Variants in KIZ observed in about 807,000 individuals in gnomAD.
KIZ encodes centrosomal protein kizuna.
KIZ carries 68 observed loss-of-function variants against 79.6 expected under a neutral mutation model. The observed-to-expected ratio is 0.85, with a 90% confidence interval of 0.70 to 1.05. The LOEUF (loss-of-function observed/expected upper bound fraction) is 1.05, where lower values mean the gene tolerates loss of function less well. Among genes scored for constraint, KIZ ranks in the 50% least tolerant of loss-of-function variants. KIZ has a pLI of 0.00. For missense variants in KIZ, 797 were observed against 800.4 expected (o/e 1.00, Z 0.05); for synonymous variants, 280 against 281.8 (o/e 0.99, Z 0.06).
intron 6 of KIZ, among the ~76,000 whole-genome samples, chr20:21,180,439 C>T (rs1166727143): frequency 2.6e-5 from 4 of 151,928 alleles, no homozygotes; most frequent in Admixed American, 6.6e-5. Context: ...GGGCGAGGGA[C>T]GGGTGCAAGG....
chr20:21,127,694 C>T (rs955056025), intron 1 of KIZ, among the ~76,000 whole-genome samples: 1 of 152,130 alleles, frequency 6.6e-6, no homozygotes, highest in Non-Finnish European at 1.5e-5. Context: ...GCACACTGGA[C>T]ACAGTTATAG....
chr20:21,160,531 G>T (rs898544291), intron 4 of KIZ, among the ~76,000 whole-genome samples: 2 of 152,020 alleles, frequency 1.3e-5, no homozygotes, highest in South Asian at 4.2e-4. Context: ...CTCCAGGTGT[G>T]CCATGTACTC....
intron 4 of KIZ, among the ~76,000 whole-genome samples, chr20:21,154,473 T>C (rs2033276673): frequency 6.6e-6 from 1 of 152,202 alleles, no homozygotes; most frequent in African/African-American, 2.4e-5. Context: ...TGCTATTGCT[T>C]CCCACAACTC....
At chr20:21,177,174 CT>C (rs1385971422) in intron 6 of KIZ, among the ~76,000 whole-genome samples, 7 of 152,004 alleles carry the variant, frequency 4.6e-5, no homozygotes, top group African/African-American at 1.7e-4. Context: ...TGAGGAATCT[CT>C]GTACTGTTTT....
At chr20:21,131,768 A>G (rs1337060353) in intron 1 of KIZ, 2 of 219,050 alleles carry the variant, frequency 9.1e-6, no homozygotes, top group Admixed American at 6.2e-5. Context: ...TGCTAAATGA[A>G]GGCACCTGCT....
At chr20:21,166,371 C>G in intron 6 of KIZ, 1 of 1,599,876 alleles carries the variant, frequency 6.3e-7, no homozygotes, top group African/African-American at 1.3e-5. Flanking sequence ...AAATCTGGAG[C>G]TGATCACTCC....
At chr20:21,135,789 A>G (rs1426526444) in intron 2 of KIZ, among the ~76,000 whole-genome samples, 1 of 152,206 alleles carries the variant, frequency 6.6e-6, no homozygotes, top group Admixed American at 6.5e-5. Context: ...TTTTGCTATT[A>G]TACTTTGGAT....
At chr20:21,209,584 A>C (rs1253442248) in intron 7 of KIZ, among the ~76,000 whole-genome samples, 1 of 70,764 alleles carries the variant, frequency 1.4e-5, no homozygotes, top group Admixed American at 1.4e-4. Context: ...CATTTAAAAA[A>C]AAAATTGCTA....
At chr20:21,228,982 A>G (rs780439194) in intron 9 of KIZ, 29 bp from the exon 10 acceptor site, 2 of 1,293,676 alleles carry the variant, frequency 1.5e-6, no homozygotes, top group South Asian at 2.5e-5. Flanking sequence ...AAAAAATGTA[A>G]TATTTCTGTG....
At chr20:21,142,826 G>A (rs558192562) in intron 3 of KIZ, among the ~76,000 whole-genome samples, 2 of 129,396 alleles carry the variant, frequency 1.5e-5, no homozygotes, top group Non-Finnish European at 3.0e-5. Context: ...AAGTAAAATA[G>A]ATGTGTTTCT....
rs141374531 is a variant in KIZ at position 21,220,758 on chromosome 20, G to A, written c.1678+5110G>A. Among the ~76,000 whole-genome samples, 918 of 152,308 alleles carry A rather than the reference G, an allele frequency of 6.0e-3. 12 individuals are homozygous for A. Among genetic ancestry groups the A allele is most frequent in the African/African-American group, 0.021 (881 of 41,562 alleles). On this transcript the variant is annotated intron_variant, in intron 9 of 12. Coordinates refer to ENST00000619189, the MANE Select transcript of KIZ (RefSeq NM_018474.6). Reference sequence around the variant, plus strand: ...GCCTCCCAAAGTGCTGGGATTACAGGCGTGAGCCGCCACGCCCGGCCTACC... The same window carrying A: ...GCCTCCCAAAGTGCTGGGATTACAGACGTGAGCCGCCACGCCCGGCCTACC...
chr20:21,178,507 A>G (rs1009077324), intron 6 of KIZ, among the ~76,000 whole-genome samples: 1 of 151,430 alleles, frequency 6.6e-6, no homozygotes, highest in Admixed American at 6.6e-5. Context: ...AGAGTTTTCT[A>G]TATATCATGT....
intron 9 of KIZ, among the ~76,000 whole-genome samples, chr20:21,217,895 A>G (rs552501495): frequency 4.5e-4 from 69 of 152,318 alleles, no homozygotes; most frequent in African/African-American, 1.6e-3. Flanking sequence ...ATAAGTAGAG[A>G]GAATGAGGAT....
intron 4 of KIZ, chr20:21,160,848 G>A (rs2033620128): frequency 6.6e-6 from 1 of 152,164 alleles, no homozygotes; most frequent in African/African-American, 2.4e-5. Flanking sequence ...TCCACCCTGC[G>A]AGCACACAGC....
intron 9 of KIZ, chr20:21,218,514 T>C (rs1290663785): frequency 1.3e-5 from 2 of 152,194 alleles, no homozygotes; most frequent in African/African-American, 4.8e-5. Flanking sequence ...GATCCTTCTC[T>C]CTCTCTGCAG....
intron 4 of KIZ, among the ~76,000 whole-genome samples, chr20:21,155,063 G>A (rs2033309126): frequency 6.6e-6 from 1 of 152,178 alleles, no homozygotes; most frequent in Non-Finnish European, 1.5e-5. Context: ...AATTGCCGGT[G>A]GGAATGTAAA....
intron 6 of KIZ, chr20:21,166,626 T>A: frequency 1.4e-6 from 1 of 718,526 alleles, no homozygotes; most frequent in Non-Finnish European, 2.1e-6. Flanking sequence ...CTTTTGTATT[T>A]TTTTTTTTTT....
chr20:21,245,232 G>A (rs1361335541), intron 12 of KIZ: 2 of 152,212 alleles, frequency 1.3e-5, no homozygotes, highest in African/African-American at 2.4e-5. Flanking sequence ...CAGAGCTGCT[G>A]TAGAACCTAG....
chr20:21,162,875 G>T lies in KIZ; in HGVS notation c.1068G>T (p.Lys356Asn). The T allele has an allele frequency of 6.2e-7, 1 of 1,613,364 alleles. No homozygotes were observed. Residue 356 changes from lysine (K) to asparagine (N), a missense_variant, in exon 6 of 13, where the codon AAG becomes AAT. Lys to Asn is a moderately conservative substitution (Grantham distance 94). Transcript: ENST00000619189. ...ATCATCTTGCTCACAGGGAACCAAA[G>T]TCACAAAAGCCCTTCAGAAAAATGC... ...VSDHLAHREP[K>N]SQKPFRKMQE...
Sources: gnomAD v4.1 joint callset for allele counts (sites outside exome capture counted in the v4.1 genomes callset) on GRCh38, gnomAD v4.1.1 for gene constraint, MANE v1.5 for transcripts, NCBI Gene and HGNC (gene_info 2026-07-23, HGNC 2026-07-21) for gene names.